ST3GAL4: variants seen among roughly 807,000 people sequenced by gnomAD.
ST3GAL4 encodes the protein CMP-N-acetylneuraminate-beta-galactosamide-alpha-2,3-sialyltransferase 4.
In ST3GAL4, 24 loss-of-function variants were observed where a neutral mutation model predicts 42.6. The ratio of observed to expected loss-of-function variants is 0.56; its 90% confidence interval spans 0.41 to 0.79. The LOEUF (loss-of-function observed/expected upper bound fraction) is 0.79. Ranked by LOEUF, ST3GAL4 falls within the 30% of genes least tolerant of loss-of-function variation. The pLI, the probability that ST3GAL4 is intolerant of heterozygous loss-of-function variation, is 0.00. For synonymous variants in ST3GAL4, 135 were observed against 163.2 expected, an observed-to-expected ratio of 0.83 and a Z score of 1.32; for missense variants, 311 against 430.8, an observed-to-expected ratio of 0.72 and a Z score of 2.46.
chr11:126,390,441 C>T (rs1953452845), intron 1 of ST3GAL4, among the ~76,000 whole-genome samples: 1 of 151,828 alleles, frequency 6.6e-6, no homozygotes, highest in Admixed American at 6.6e-5. Context: ...TTCAGCCTCA[C>T]TAGATACTGT....
intron 1 of ST3GAL4, among the ~76,000 whole-genome samples, chr11:126,402,131 G>A (rs1954032397): frequency 6.6e-6 from 1 of 151,396 alleles, no homozygotes; most frequent in Middle Eastern, 3.4e-3. Context: ...ACAGCAGGCA[G>A]ACAGGGGCTC....
chr11:126,384,874 G>A lies in ST3GAL4; in HGVS notation c.-60-21222G>A, dbSNP rs1953160473. 1 of 985,250 alleles carries A rather than the reference G, an allele frequency of 1.0e-6. No homozygotes were observed. The highest frequency in any genetic ancestry group is 1.2e-6 in the Non-Finnish European group (1 of 829,934). 61.0% of individuals were successfully genotyped at this position (985,250 alleles called of 1,614,324 possible). A position where few individuals can be genotyped will look rare whatever the true frequency, so the allele number is the denominator to read the frequency against. On this transcript the variant is annotated intron_variant, in intron 1 of 10. Transcript: ENST00000444328. This position sits in a 1 kb window ranked among gnomAD's most constrained non-coding sequence, Gnocchi z 5.5. Reference sequence around the variant, plus strand: ...TGAGTGTGATTGTGGTAGTGGTGGGGGCAGTGGCTGAGGACCCCTCTCTTT... The same window carrying A: ...TGAGTGTGATTGTGGTAGTGGTGGGAGCAGTGGCTGAGGACCCCTCTCTTT...
intron 1 of ST3GAL4, among the ~76,000 whole-genome samples, chr11:126,377,899 A>G (rs1952879122): frequency 6.6e-6 from 1 of 152,228 alleles, no homozygotes; most frequent in Non-Finnish European, 1.5e-5. Flanking sequence ...ACTGCTTAAG[A>G]TAATTCGAAG....
In ST3GAL4 at chr11:126,393,234, C is replaced by G. The variant is rs542451976; in HGVS notation, c.-60-12862C>G. ...GGTCTTGGCCAGAGGAGAGAAGGCT[C>G]AGGTGAACCAGTTTCATCTGACCTG... On this transcript the variant is annotated intron_variant, in intron 1 of 10. Coordinates refer to ENST00000444328, the MANE Select transcript of ST3GAL4 (RefSeq NM_001254757.2). The surrounding 1 kb of genome is among the most constrained non-coding windows in gnomAD (Gnocchi z 5.9). The G allele has an allele frequency of 6.6e-6, 1 of 152,336 alleles. No homozygotes were observed. The highest frequency in any genetic ancestry group is 2.1e-4 in the South Asian group (1 of 4,826). The allele number at this position is 152,336 out of a possible 1,614,324, so 9.4% of individuals were successfully genotyped here.
chr11:126,369,987 T>C (rs1301927778), intron 1 of ST3GAL4, among the ~76,000 whole-genome samples: 3 of 152,226 alleles, frequency 2.0e-5, no homozygotes, highest in Non-Finnish European at 4.4e-5. Flanking sequence ...TCGATTTGCA[T>C]CCTATTTTTC....
chr11:126,388,919 A>G (rs1953356932), intron 1 of ST3GAL4, among the ~76,000 whole-genome samples: 1 of 151,264 alleles, frequency 6.6e-6, no homozygotes, highest in Non-Finnish European at 1.5e-5. Context: ...CTGGGATCAC[A>G]GGCGCCTGCC....
rs181403798 is a variant in ST3GAL4 at position 126,400,891 on chromosome 11, C to T, written c.-60-5205C>T. Among the ~76,000 whole-genome samples, 1 of 152,222 alleles carries T rather than the reference C, an allele frequency of 6.6e-6. No homozygotes were observed. The highest frequency in any genetic ancestry group is 1.9e-4 in the East Asian group (1 of 5,172). On this transcript the variant is annotated intron_variant, in intron 1 of 10. Transcript: ENST00000444328. This position sits in a 1 kb window ranked among gnomAD's most constrained non-coding sequence, Gnocchi z 4.6. ...GTAAAATCCGACATCCCCAGTTTCACCTATGATGCCAGGCCTGTGGTAAGG... is the reference window on the plus strand; with the variant it reads ...GTAAAATCCGACATCCCCAGTTTCATCTATGATGCCAGGCCTGTGGTAAGG...
rs1004413810 is a variant in ST3GAL4 at position 126,386,274 on chromosome 11, G to T, written c.-60-19822G>T. ...TCATCTCCACCATTTCCTGTTTGCC[G>T]TGTGTCTGTGCCCCCCAAGGATGAA... is the stretch of plus-strand genomic sequence containing the variant. On this transcript the variant is annotated intron_variant, in intron 1 of 10. Transcript: ENST00000444328. This position sits in a 1 kb window ranked among gnomAD's most constrained non-coding sequence, Gnocchi z 4.7. Among the ~76,000 whole-genome samples the T allele has an allele frequency of 6.6e-6, 1 of 152,112 alleles. No individual in the cohort carries two copies. The highest frequency in any genetic ancestry group is 2.4e-5 in the African/African-American group (1 of 41,424).
At chr11:126,356,788 A>C (rs1274386053) in intron 1 of ST3GAL4, among the ~76,000 whole-genome samples, 1 of 152,224 alleles carries the variant, frequency 6.6e-6, no homozygotes, top group African/African-American at 2.4e-5. Flanking sequence ...TACCGCGTGG[A>C]AGCCAGGCTC....
intron 10 of ST3GAL4, 32 bp downstream of exon 10, chr11:126,413,680 A>G: frequency 6.2e-7 from 1 of 1,611,848 alleles, no homozygotes; most frequent in South Asian, 1.1e-5. Context: ...ATGGTGGGCC[A>G]GGGCGTGGAC....
At chr11:126,412,942 G>A (rs1391390251) in intron 9 of ST3GAL4, among the ~76,000 whole-genome samples, 1 of 152,192 alleles carries the variant, frequency 6.6e-6, no homozygotes, top group Admixed American at 6.5e-5. Context: ...CATAGTGTCT[G>A]GCACATAGTG....
At position 126,360,644 on chromosome 11, in the gene ST3GAL4, G is replaced by A. The variant is rs544937410; in HGVS notation, c.-61+4802G>A. On this transcript the variant is annotated intron_variant, in intron 1 of 10. Coordinates refer to ENST00000444328, the MANE Select transcript of ST3GAL4 (RefSeq NM_001254757.2). ...TCATCATGTTGGCCAGGCTGGTCTC[G>A]AACTCCTGACCTTGTGATCCGCCCA... Among the ~76,000 whole-genome samples, 4 of 152,266 alleles carry A rather than the reference G, an allele frequency of 2.6e-5. No individual in the cohort carries two copies. In the South Asian group the frequency reaches 6.2e-4, roughly 24 times the overall value.
At chr11:126,358,991 G>A (rs1485587814) in intron 1 of ST3GAL4, among the ~76,000 whole-genome samples, 3 of 152,194 alleles carry the variant, frequency 2.0e-5, no homozygotes, top group African/African-American at 7.2e-5. Flanking sequence ...AAGCCCAGAA[G>A]CACCTGAGTA....
rs1422769778 is a variant in ST3GAL4, at chr11:126,379,793, TA to T, written c.-61+23954del. 6.6e-6 allele frequency among the ~76,000 whole-genome samples: 1 copy of T among 152,130 alleles called. No individual in the cohort carries two copies. The highest frequency in any genetic ancestry group is 1.5e-5 in the Non-Finnish European group (1 of 68,020). On this transcript the variant is annotated intron_variant, in intron 1 of 10. Coordinates refer to ENST00000444328, the MANE Select transcript of ST3GAL4 (RefSeq NM_001254757.2). This position sits in a 1 kb window ranked among gnomAD's most constrained non-coding sequence, Gnocchi z 4.2. Reference sequence around the variant, plus strand: ...ACACCCGGCCTGTTATCCTTAATTTTAAATCACATGTGGATTGACAAGTCCA... The same window carrying T: ...ACACCCGGCCTGTTATCCTTAATTTTAATCACATGTGGATTGACAAGTCCA...
At chr11:126,361,847 T>G (rs1952254510) in intron 1 of ST3GAL4, among the ~76,000 whole-genome samples, 1 of 152,042 alleles carries the variant, frequency 6.6e-6, no homozygotes, top group Non-Finnish European at 1.5e-5. Flanking sequence ...AGCCTGCCAC[T>G]GTAGCCTCCA....
At chr11:126,389,660 GCTCAAGTGATC>G (rs1393567536) in intron 1 of ST3GAL4, among the ~76,000 whole-genome samples, 1 of 152,106 alleles carries the variant, frequency 6.6e-6, no homozygotes, top group Non-Finnish European at 1.5e-5. Context: ...CATCTCCTGG[GCTCAAGTGATC>G]CTCCCACCTT....
At chr11:126,362,721 G>A (rs770632000) in intron 1 of ST3GAL4, among the ~76,000 whole-genome samples, 2 of 152,130 alleles carry the variant, frequency 1.3e-5, no homozygotes, top group Non-Finnish European at 2.9e-5. Flanking sequence ...TGTGACCTCG[G>A]GCAGGTCTTG....
At position 126,408,207 on chromosome 11, in the gene ST3GAL4, G is replaced by C. The variant is rs762827204; in HGVS notation, c.437+13G>C. The C allele has an allele frequency of 9.3e-6, 15 of 1,613,944 alleles. No individual in the cohort carries two copies. Among genetic ancestry groups the C allele is most frequent in the Non-Finnish European group, 1.2e-5 (14 of 1,179,938 alleles). ...ATGTGGTCATCAGGTGTGTGTGACTGTCTCTTCCTACTGTTGTTTGGGAAC... is the reference window on the plus strand; with the variant it reads ...ATGTGGTCATCAGGTGTGTGTGACTCTCTCTTCCTACTGTTGTTTGGGAAC... On this transcript the variant is annotated intron_variant, in intron 7 of 10. Transcript: ENST00000444328.
rs2135432393 is a variant in ST3GAL4, at chr11:126,378,471, C to G, written c.-61+22629C>G. Among the ~76,000 whole-genome samples, 1 of 152,232 alleles carries G rather than the reference C, an allele frequency of 6.6e-6. No individual in the cohort carries two copies. Among genetic ancestry groups the G allele is most frequent in the South Asian group, 2.1e-4 (1 of 4,820 alleles). On this transcript the variant is annotated intron_variant, in intron 1 of 10. Coordinates refer to ENST00000444328, the MANE Select transcript of ST3GAL4 (RefSeq NM_001254757.2). This position sits in a 1 kb window ranked among gnomAD's most constrained non-coding sequence, Gnocchi z 5.3. The stretch of plus-strand genomic sequence containing the variant: ...GTCACTCAGGCTGGAGTCAGTGGTG[C>G]AATCTTGGCTCACTGCAACCTCTGC...
Sources: allele counts gnomAD v4.1 joint callset (sites outside exome capture counted in the v4.1 genomes callset), GRCh38; gene constraint gnomAD v4.1.1; non-coding constraint Gnocchi (gnomAD v3.1); transcripts MANE v1.5; gene names NCBI Gene and HGNC (gene_info 2026-07-23, HGNC 2026-07-21).